RPS6KC1: variants seen among roughly 807,000 people sequenced by gnomAD.
RPS6KC1 encodes inactive ribosomal protein S6 kinase delta-1.
A neutral mutation model predicts 103.8 loss-of-function variants in RPS6KC1; 54 were observed. The ratio of observed to expected loss-of-function variants is 0.52; its 90% CI spans 0.42 to 0.65. The LOEUF is 0.65. Ranked by LOEUF, RPS6KC1 falls within the 30% of genes least tolerant of loss-of-function variation. RPS6KC1 has a pLI of 0.00. For synonymous variants in RPS6KC1, 439 were observed against 438.7 expected (o/e 1.00, Z -0.01); for missense variants, 1,151 against 1,253.8 (o/e 0.92, Z 1.24).
intron 1 of RPS6KC1, among the ~76,000 whole-genome samples, chr1:213,066,521 A>G (rs2078343813): frequency 6.6e-6 from 1 of 152,190 alleles, no homozygotes; most frequent in South Asian, 2.1e-4. Context: ...TTTTCTGTAT[A>G]TTGCATAATA....
intron 9 of RPS6KC1, among the ~76,000 whole-genome samples, chr1:213,231,757 T>G (rs2094109294): frequency 6.6e-6 from 1 of 152,210 alleles, no homozygotes; most frequent in South Asian, 2.1e-4. Context: ...GGAGTTTGCA[T>G]TGGTCTTACA....
chr1:213,407,216 GCGCACACACACACACA>G, the RPS6KC1 span, among the ~76,000 whole-genome samples: 15 of 92,716 alleles, frequency 1.6e-4, no homozygotes, highest in Non-Finnish European at 3.3e-4. Context: ...ACATGCACGC[GCGCACACACACACACA>G]CACACACACA....
chr1:213,628,966 G>A, the RPS6KC1 span, among the ~76,000 whole-genome samples: 2 of 152,150 alleles, frequency 1.3e-5, no homozygotes, highest in African/African-American at 2.4e-5. Context: ...TGTGATTTCT[G>A]TTCCTTTACA....
the RPS6KC1 span, among the ~76,000 whole-genome samples, chr1:213,459,350 C>T: frequency 6.6e-6 from 1 of 151,842 alleles, no homozygotes; most frequent in African/African-American, 2.4e-5. Flanking sequence ...TGTATGTGTC[C>T]AGGAATTTCT....
At chr1:213,468,546 G>C in the RPS6KC1 span, among the ~76,000 whole-genome samples, 2 of 152,128 alleles carry the variant, frequency 1.3e-5, no homozygotes, top group Non-Finnish European at 2.9e-5. Flanking sequence ...TAGGTTTCCT[G>C]AAATAGAGAG....
chr1:213,068,055 A>G (rs1192863758), intron 1 of RPS6KC1, among the ~76,000 whole-genome samples: 1 of 152,266 alleles, frequency 6.6e-6, no homozygotes, highest in Non-Finnish European at 1.5e-5. Flanking sequence ...AAATGTATTA[A>G]GCTGAGAAAA....
chr1:213,633,697 A>G, the RPS6KC1 span, among the ~76,000 whole-genome samples: 948 of 151,798 alleles, frequency 6.2e-3, 10 homozygotes, highest in Non-Finnish European at 8.8e-3. Context: ...ACACATAACA[A>G]TATTAATCTT....
At chr1:213,198,032 T>TA (rs2093019887) in intron 8 of RPS6KC1, among the ~76,000 whole-genome samples, 1 of 152,188 alleles carries the variant, frequency 6.6e-6, no homozygotes, top group Non-Finnish European at 1.5e-5. Flanking sequence ...TTCATTGTGT[T>TA]ACGGTTTTAT....
At chr1:213,123,956 A>G (rs939826850) in intron 5 of RPS6KC1, among the ~76,000 whole-genome samples, 1 of 152,156 alleles carries the variant, frequency 6.6e-6, no homozygotes, top group Non-Finnish European at 1.5e-5. Flanking sequence ...GATTTATTCT[A>G]TGGCAACTCA....
chr1:213,619,108 T>G, the RPS6KC1 span, among the ~76,000 whole-genome samples: 1 of 152,208 alleles, frequency 6.6e-6, no homozygotes, highest in Non-Finnish European at 1.5e-5. Flanking sequence ...GAAGCTCTAA[T>G]TTAGGAAAGC....
chr1:213,677,899 G>A, the RPS6KC1 span, among the ~76,000 whole-genome samples: 3 of 151,984 alleles, frequency 2.0e-5, no homozygotes, highest in Non-Finnish European at 2.9e-5. Flanking sequence ...CCAGCTACTC[G>A]GGAGGCTGAG....
chr1:213,163,676 A>AT lies in RPS6KC1; in HGVS notation c.836-4170dup, dbSNP rs527858433. 6.9e-4 allele frequency among the ~76,000 whole-genome samples: 102 copies of AT among 147,454 alleles called. 1 individual carries two copies. In the South Asian group the frequency reaches 7.3e-3, roughly 11 times the overall value. On this transcript the variant is annotated intron_variant, in intron 6 of 14. Transcript: ENST00000366960. ...GTTCCATGAGTAAAAATGCCTCTTG[A>AT]TTTTTTTTTTTTAAATGGGCAAATG...
the RPS6KC1 span, among the ~76,000 whole-genome samples, chr1:213,709,922 G>T: frequency 5.3e-5 from 8 of 152,178 alleles, no homozygotes; most frequent in Non-Finnish European, 8.8e-5. Context: ...ATTTGCTGTG[G>T]AGTGTTTTCC....
intron 8 of RPS6KC1, among the ~76,000 whole-genome samples, chr1:213,210,944 C>T (rs577182325): frequency 4.6e-5 from 7 of 152,276 alleles, no homozygotes; most frequent in East Asian, 3.9e-4. Context: ...ATTCTATAAA[C>T]GAGAACTATG....
chr1:213,450,676 G>A, the RPS6KC1 span, among the ~76,000 whole-genome samples: 2 of 152,168 alleles, frequency 1.3e-5, no homozygotes, highest in Admixed American at 1.3e-4. Context: ...TCTCTGGGCT[G>A]AGCACATAGC....
the RPS6KC1 span, among the ~76,000 whole-genome samples, chr1:213,720,956 T>C: frequency 1.3e-5 from 2 of 152,220 alleles, no homozygotes; most frequent in Non-Finnish European, 2.9e-5. Flanking sequence ...AAAGAGTTAA[T>C]TTAACATTCT....
chr1:213,807,909 A>G, the RPS6KC1 span, among the ~76,000 whole-genome samples: 11,999 of 151,860 alleles, frequency 0.079, 1,497 homozygotes, highest in African/African-American at 0.27. Flanking sequence ...TTGTGGTTTT[A>G]TCTCCTTTTG....
chr1:213,726,709 A>G, the RPS6KC1 span, among the ~76,000 whole-genome samples: 1 of 152,168 alleles, frequency 6.6e-6, no homozygotes, highest in Admixed American at 6.5e-5. Context: ...TATCTACCTA[A>G]GCTGAGAGGT....
chr1:213,714,772 T>A, the RPS6KC1 span, among the ~76,000 whole-genome samples: 1 of 152,256 alleles, frequency 6.6e-6, no homozygotes, highest in Admixed American at 6.5e-5. Context: ...GTGTATTTCC[T>A]GTATTCCTCC....
Sources: gnomAD v4.1 joint callset for allele counts (sites outside exome capture counted in the v4.1 genomes callset) on GRCh38, gnomAD v4.1.1 for gene constraint, MANE v1.5 for transcripts, NCBI Gene and HGNC (gene_info 2026-07-23, HGNC 2026-07-21) for gene names.